CD109: variants seen among roughly 807,000 people sequenced by gnomAD.
CD109 encodes CD109 antigen.
A neutral mutation model predicts 165.8 loss-of-function variants in CD109; 149 were observed. That is an observed-to-expected ratio of 0.90 (90% confidence interval 0.79 to 1.03). CD109 has a LOEUF of 1.03. Ranked by LOEUF, CD109 falls within the 50% of genes least tolerant of loss-of-function variation. The pLI, the probability that CD109 is intolerant of heterozygous loss-of-function variation, is 0.00. For missense variants in CD109, 1,712 were observed against 1,677.8 expected, an observed-to-expected ratio of 1.02 and a Z score of -0.36; for synonymous variants, 585 against 592.1, an observed-to-expected ratio of 0.99 and a Z score of 0.18.
intron 23 of CD109, among the ~76,000 whole-genome samples, chr6:73,796,849 AAGTGGCTGG>A (rs1416643804): frequency 6.6e-6 from 1 of 152,170 alleles, no homozygotes; most frequent in East Asian, 1.9e-4. Flanking sequence ...TTTGCTGGTG[AAGTGGCTGG>A]TGAAAGTCAG....
At chr6:73,818,124 CCT>C (rs1394821047) in intron 30 of CD109, among the ~76,000 whole-genome samples, 1 of 152,080 alleles carries the variant, frequency 6.6e-6, no homozygotes, top group Non-Finnish European at 1.5e-5. Context: ...TAAGCACAAG[CCT>C]CTTACATTGC....
chr6:73,729,068 G>A (rs1772247017), intron 3 of CD109, among the ~76,000 whole-genome samples: 1 of 152,210 alleles, frequency 6.6e-6, no homozygotes, highest in African/African-American at 2.4e-5. Context: ...ACACGTGGTT[G>A]TTGGTGGTTG....
chr6:73,707,851 C>A (rs1419609344), intron 2 of CD109, among the ~76,000 whole-genome samples: 5 of 150,888 alleles, frequency 3.3e-5, no homozygotes, highest in African/African-American at 7.3e-5. Flanking sequence ...AAAGTAATGT[C>A]ACCCAATTTT....
At chr6:73,795,300 T>C (rs910844480) in intron 23 of CD109, among the ~76,000 whole-genome samples, 9 of 151,266 alleles carry the variant, frequency 5.9e-5, no homozygotes, top group Non-Finnish European at 1.3e-4. Context: ...ATATTAATGC[T>C]TTAAACAGAA....
At chr6:73,737,979 C>A (rs1772610531) in intron 5 of CD109, among the ~76,000 whole-genome samples, 1 of 151,972 alleles carries the variant, frequency 6.6e-6, no homozygotes, top group Admixed American at 6.5e-5. Flanking sequence ...CACCCACCAA[C>A]CCAGTATGTG....
chr6:73,749,821 C>T (rs1164256379), intron 5 of CD109, among the ~76,000 whole-genome samples: 2 of 152,066 alleles, frequency 1.3e-5, no homozygotes, highest in Non-Finnish European at 2.9e-5. Flanking sequence ...AAACAAAAAT[C>T]ATCAGTATGT....
At chr6:73,773,639 A>G (rs1774130002) in intron 15 of CD109, among the ~76,000 whole-genome samples, 1 of 152,150 alleles carries the variant, frequency 6.6e-6, no homozygotes, top group African/African-American at 2.4e-5. Flanking sequence ...AAAGGTTATC[A>G]GTATTTGAAT....
At chr6:73,763,742 A>G (rs1773730696) in intron 10 of CD109, 57 bp downstream of exon 10, 2 of 822,178 alleles carry the variant, frequency 2.4e-6, no homozygotes, top group Non-Finnish European at 3.7e-6. Flanking sequence ...AATGAAATAG[A>G]ATGGGAAATA....
At chr6:73,723,151 C>G in intron 2 of CD109, 100 bp from the exon 3 acceptor site, 3 of 1,587,196 alleles carry the variant, frequency 1.9e-6, no homozygotes, top group Non-Finnish European at 2.6e-6. Flanking sequence ...TATGATTCCA[C>G]CTACACATGT....
chr6:73,719,914 A>G (rs1771881569), intron 2 of CD109, among the ~76,000 whole-genome samples: 3 of 152,228 alleles, frequency 2.0e-5, no homozygotes, highest in Non-Finnish European at 1.5e-5. Context: ...ATAGAATATA[A>G]TAAGTCTTTC....
intron 30 of CD109, among the ~76,000 whole-genome samples, chr6:73,816,581 A>C (rs2917857): frequency 0.59 from 88,997 of 151,934 alleles, 26,889 homozygotes; most frequent in African/African-American, 0.74. Flanking sequence ...TTTATTTATT[A>C]CCTCAGCAAG....
At chr6:73,708,080 T>C (rs972653700) in intron 2 of CD109, among the ~76,000 whole-genome samples, 1 of 150,862 alleles carries the variant, frequency 6.6e-6, no homozygotes, top group Non-Finnish European at 1.5e-5. Flanking sequence ...ACATGTGCCA[T>C]GTTGGTGTGC....
intron 2 of CD109, among the ~76,000 whole-genome samples, chr6:73,721,221 T>A (rs1189968177): frequency 6.6e-6 from 1 of 152,224 alleles, no homozygotes; most frequent in East Asian, 1.9e-4. Context: ...GTGATGGTGA[T>A]GAATTACTTA....
chr6:73,809,954 G>T, intron 26 of CD109, 30 bp from the exon 27 acceptor site: 2 of 1,547,262 alleles, frequency 1.3e-6, no homozygotes, highest in Middle Eastern at 1.7e-4. Flanking sequence ...CTGGATAATT[G>T]ATCAGAATGT....
At chr6:73,697,133 T>G (rs1770871793) in intron 1 of CD109, among the ~76,000 whole-genome samples, 1 of 152,248 alleles carries the variant, frequency 6.6e-6, no homozygotes, top group African/African-American at 2.4e-5. Flanking sequence ...TCTGTGCGGT[T>G]CGTGGTTTAT....
At chr6:73,821,912 A>T (rs948407873) in intron 32 of CD109, among the ~76,000 whole-genome samples, 5 of 152,222 alleles carry the variant, frequency 3.3e-5, no homozygotes, top group African/African-American at 7.2e-5. Flanking sequence ...GGACTTCTTC[A>T]GGAGAGAACA....
chr6:73,763,790 G>GTA (rs1773731683), intron 10 of CD109, 105 bp downstream of exon 10: 1 of 515,976 alleles, frequency 1.9e-6, no homozygotes, highest in Admixed American at 3.8e-5. Flanking sequence ...AAGCCAAAAA[G>GTA]TATATAACTT....
intron 25 of CD109, among the ~76,000 whole-genome samples, chr6:73,807,343 A>G (rs1351118293): frequency 6.6e-6 from 1 of 152,250 alleles, no homozygotes; most frequent in African/African-American, 2.4e-5. Flanking sequence ...AAGTCAATAC[A>G]TGTTTTATCA....
the CD109 span, among the ~76,000 whole-genome samples, chr6:73,684,930 CTTT>C: frequency 7.2e-6 from 1 of 138,370 alleles, no homozygotes; most frequent in South Asian, 2.3e-4. Flanking sequence ...ATTTTTTTTT[CTTT>C]TTTTTTTTTT....
Sources: gnomAD v4.1 joint callset for allele counts (sites outside exome capture counted in the v4.1 genomes callset) on GRCh38, gnomAD v4.1.1 for gene constraint, MANE v1.5 for transcripts, NCBI Gene and HGNC (gene_info 2026-07-23, HGNC 2026-07-21) for gene names.